Variants in AFG2B observed in about 807,000 individuals in gnomAD.
AFG2B encodes the protein AAA ATPase AFG2B, also known as ATPase family gene 2 protein homolog B.
chr15:45,411,878 CCT>C, the AFG2B span, among the ~76,000 whole-genome samples: 4 of 151,568 alleles, frequency 2.6e-5, no homozygotes, highest in East Asian at 2.0e-4. Context: ...AGGCAGATCA[CCT>C]GAGGTCAGGA....
the AFG2B span, among the ~76,000 whole-genome samples, chr15:45,409,489 G>A: frequency 1.3e-5 from 2 of 151,906 alleles, no homozygotes; most frequent in African/African-American, 2.4e-5. Context: ...AGGACAATTT[G>A]GTAATAGCTG....
At chr15:45,421,264 G>A in the AFG2B span, 1 of 1,258,318 alleles carries the variant, frequency 7.9e-7, no homozygotes. Flanking sequence ...GAACTTGCCT[G>A]TCGTTTGCAA....
chr15:45,406,907 A>G, the AFG2B span: 1 of 804,042 alleles, frequency 1.2e-6, no homozygotes, highest in South Asian at 1.4e-5. Context: ...TTAGACCAAA[A>G]CTACTTGAAG....
chr15:45,405,088 T>C, the AFG2B span, among the ~76,000 whole-genome samples: 1 of 152,088 alleles, frequency 6.6e-6, no homozygotes, highest in South Asian at 2.1e-4. Context: ...CGAGAAATTA[T>C]TGTTAACTAT....
At chr15:45,404,007 C>T in the AFG2B span, among the ~76,000 whole-genome samples, 2 of 152,172 alleles carry the variant, frequency 1.3e-5, no homozygotes, top group African/African-American at 4.8e-5. Context: ...TTATTCATTC[C>T]TTGTCATAAC....
chr15:45,406,888 C>A, the AFG2B span: 3 of 559,574 alleles, frequency 5.4e-6, no homozygotes, highest in Non-Finnish European at 6.0e-6. Flanking sequence ...AAGTCTTCAT[C>A]TTGTAGGTTT....
At chr15:45,415,503 A>G in the AFG2B span, 17 of 1,287,888 alleles carry the variant, frequency 1.3e-5, no homozygotes, top group Middle Eastern at 6.2e-4. Context: ...CTCAAAAAAA[A>G]AAAAAAAAAC....
chr15:45,415,685 T>C, the AFG2B span: 4 of 1,614,148 alleles, frequency 2.5e-6, no homozygotes, highest in Non-Finnish European at 3.4e-6. Context: ...CAGGATGTGA[T>C]GTTCAAGAAC....
chr15:45,402,748 C>T, the AFG2B span: 2 of 1,572,208 alleles, frequency 1.3e-6, no homozygotes, highest in African/African-American at 2.7e-5. Flanking sequence ...CTGTCCGCCC[C>T]TGCGGCGCGT....
chr15:45,406,231 C>T, the AFG2B span, among the ~76,000 whole-genome samples: 2 of 151,778 alleles, frequency 1.3e-5, no homozygotes, highest in African/African-American at 4.8e-5. Flanking sequence ...ACTAATGTTT[C>T]TTCATGATTC....
chr15:45,407,511 C>A, the AFG2B span, among the ~76,000 whole-genome samples: 22 of 152,172 alleles, frequency 1.4e-4, no homozygotes, highest in African/African-American at 5.1e-4. Flanking sequence ...ATTTGGACAT[C>A]AGACACCTAA....
chr15:45,418,480 TA>T, the AFG2B span: 1 of 1,441,712 alleles, frequency 6.9e-7, no homozygotes, highest in Non-Finnish European at 9.3e-7. Context: ...AAACTCAAGC[TA>T]AAAATATTTT....
the AFG2B span, among the ~76,000 whole-genome samples, chr15:45,409,329 A>G: frequency 6.6e-6 from 1 of 151,050 alleles, no homozygotes; most frequent in Non-Finnish European, 1.5e-5. Context: ...GGGAGCCAAG[A>G]TCACAGCACT....
chr15:45,403,239 G>T, the AFG2B span: 3 of 1,549,956 alleles, frequency 1.9e-6, no homozygotes, highest in Admixed American at 6.2e-5. Context: ...CCCCGGCGCT[G>T]CAGGGTTCCC....
the AFG2B span, among the ~76,000 whole-genome samples, chr15:45,409,836 C>T: frequency 6.6e-6 from 1 of 152,082 alleles, no homozygotes; most frequent in South Asian, 2.1e-4. Context: ...CACTGCATTC[C>T]AGCCTGGGTA....
the AFG2B span, among the ~76,000 whole-genome samples, chr15:45,413,668 C>T: frequency 6.6e-6 from 1 of 152,114 alleles, no homozygotes; most frequent in Non-Finnish European, 1.5e-5. Context: ...GTTTAATTTC[C>T]TTCCAGTCCA....
chr15:45,402,816 C>T, the AFG2B span: 3 of 1,596,826 alleles, frequency 1.9e-6, no homozygotes, highest in Admixed American at 3.4e-5. Context: ...GGAATACAGC[C>T]GCGGTGCTGG....
the AFG2B span, chr15:45,403,231 C>A: frequency 6.6e-7 from 1 of 1,526,180 alleles, no homozygotes; most frequent in Non-Finnish European, 8.7e-7. Context: ...AGTCAGCGCC[C>A]CGGCGCTGCA....
the AFG2B span, chr15:45,405,530 TC>T: frequency 1.8e-5 from 29 of 1,596,804 alleles, no homozygotes; most frequent in Admixed American, 4.6e-4. Flanking sequence ...TTTATGAACA[TC>T]TATGTTAATC....
Sources: gnomAD v4.1 joint callset for allele counts (sites outside exome capture counted in the v4.1 genomes callset) on GRCh38, gnomAD v4.1.1 for gene constraint, MANE v1.5 for transcripts, NCBI Gene and HGNC (gene_info 2026-07-23, HGNC 2026-07-21) for gene names.